RBM47: variants seen among roughly 807,000 people sequenced by gnomAD.
The protein encoded by RBM47 is RNA binding motif protein 47, also known as RNA-binding protein 47.
Under a neutral mutation model 47.1 loss-of-function variants are expected in RBM47, and 21 were observed. That is an observed-to-expected ratio of 0.45 (90% CI 0.32 to 0.64). The LOEUF is 0.64. Ranked by LOEUF, RBM47 falls within the 30% of genes least tolerant of loss-of-function variation. RBM47 has a pLI of 0.05. For missense variants in RBM47, 708 were observed against 870.9 expected, an observed-to-expected ratio of 0.81 and a Z score of 2.35; for synonymous variants, 375 against 361.7, an observed-to-expected ratio of 1.04 and a Z score of -0.42.
rs148031233 is a variant in RBM47, at chr4:40,518,157, T to C, written c.-155+26265A>G. Among the ~76,000 whole-genome samples, 396 of 117,442 alleles carry C rather than the reference T, an allele frequency of 3.4e-3. 2 individuals are homozygous for C. The highest frequency in any genetic ancestry group is 0.012 in the African/African-American group (384 of 31,338). The allele number at this position is 117,442 out of a possible 152,430, so 77.0% of individuals were successfully genotyped here. A position where few individuals can be genotyped will look rare whatever the true frequency, so the allele number is the denominator to read the frequency against. On this transcript the variant is annotated intron_variant, in intron 2 of 6. Transcript: ENST00000295971. ...AAAACAAGCATTGTTTCTTTTCTTT[T>C]CTTTTTTTTTTTTTTTTTTTTTTTT...
At chr4:40,571,221 A>T (rs1277911832) in intron 1 of RBM47, among the ~76,000 whole-genome samples, 2 of 151,722 alleles carry the variant, frequency 1.3e-5, no homozygotes, top group Non-Finnish European at 2.9e-5. Context: ...ATCTCAAAAG[A>T]AAAAGAAAAG....
Position 40,424,795 on chromosome 4 carries a change from A to G in RBM47, c.*1109T>C. 6.6e-6 allele frequency: 1 copy of G among 152,338 alleles called. No individual in the cohort carries two copies. Among genetic ancestry groups the G allele is most frequent in the Middle Eastern group, 3.4e-3 (1 of 294 alleles). The allele number at this position is 152,338 out of a possible 1,614,324, so 9.4% of individuals were successfully genotyped here. A position where few individuals can be genotyped will look rare whatever the true frequency, so the allele number is the denominator to read the frequency against. On this transcript the variant is annotated 3_prime_UTR_variant, in exon 7 of 7. Transcript: ENST00000295971. ...CTCTGGGGGTCTTGTCTACGATAACATACATTCTTTGTCCCTACAAACTCA... is the reference window on the plus strand; with the variant it reads ...CTCTGGGGGTCTTGTCTACGATAACGTACATTCTTTGTCCCTACAAACTCA...
At chr4:40,480,634 AT>A (rs1223401843) in intron 2 of RBM47, among the ~76,000 whole-genome samples, 1 of 152,194 alleles carries the variant, frequency 6.6e-6, no homozygotes, top group African/African-American at 2.4e-5. Context: ...TCTAATTTGA[AT>A]CTAAAGAGAA....
At chr4:40,592,756 G>A (rs999554501) in intron 1 of RBM47, among the ~76,000 whole-genome samples, 2 of 149,760 alleles carry the variant, frequency 1.3e-5, no homozygotes, top group African/African-American at 4.9e-5. Flanking sequence ...ACAGGGCCTC[G>A]CTATGTTATT....
chr4:40,608,841 G>A (rs1400840615), intron 1 of RBM47, among the ~76,000 whole-genome samples: 4 of 152,196 alleles, frequency 2.6e-5, no homozygotes, highest in Non-Finnish European at 4.4e-5. Flanking sequence ...CACAAACATG[G>A]AACCAATGAA....
chr4:40,437,092 T>A (rs796497859), intron 4 of RBM47, among the ~76,000 whole-genome samples: 4,604 of 19,326 alleles, frequency 0.24, 459 homozygotes, highest in Non-Finnish European at 0.32. Flanking sequence ...AAAAAAAAAA[T>A]ATATATATAT....
At position 40,423,652 on chromosome 4, in the gene RBM47, T is replaced by TTCTCTTTC. The variant is rs1324992772; in HGVS notation, c.*2251_*2252insGAAAGAGA. 6 of 129,168 alleles carry TTCTCTTTC rather than the reference T, an allele frequency of 4.6e-5. No homozygotes were observed. The highest frequency in any genetic ancestry group is 8.2e-5 in the Admixed American group (1 of 12,140). 8.0% of individuals were successfully genotyped at this position (129,168 alleles called of 1,614,324 possible). The stretch of plus-strand genomic sequence containing the variant: ...TCATTTTTTTTTATTCTTTCTTTCT[T>TTCTCTTTC]TTTCTTTCTTTCTTTCTTTCTTTCT... On this transcript the variant is annotated 3_prime_UTR_variant, in exon 7 of 7. Coordinates refer to ENST00000295971, the MANE Select transcript of RBM47 (RefSeq NM_001098634.2).
chr4:40,451,725 A>G (rs1715472491), intron 3 of RBM47, among the ~76,000 whole-genome samples: 1 of 152,234 alleles, frequency 6.6e-6, no homozygotes, highest in Admixed American at 6.5e-5. Flanking sequence ...TAAATGATTA[A>G]ACAATATTTG....
chr4:40,601,350 G>A (rs1482280513), intron 1 of RBM47, among the ~76,000 whole-genome samples: 2 of 152,108 alleles, frequency 1.3e-5, no homozygotes, highest in East Asian at 1.9e-4. Context: ...CATGACTATC[G>A]CTAATGTTGG....
intron 1 of RBM47, among the ~76,000 whole-genome samples, chr4:40,606,982 GA>G (rs35711853): frequency 6.6e-6 from 1 of 151,938 alleles, no homozygotes; most frequent in African/African-American, 2.4e-5. Context: ...GACCCTGTCA[GA>G]AAAAAAGCCC....
intron 2 of RBM47, among the ~76,000 whole-genome samples, chr4:40,507,044 G>C (rs1213020793): frequency 6.6e-6 from 1 of 152,054 alleles, no homozygotes; most frequent in African/African-American, 2.4e-5. Context: ...GCAACCTCCA[G>C]CTCCCGGGTT....
At chr4:40,481,895 C>T (rs1236458349) in intron 2 of RBM47, among the ~76,000 whole-genome samples, 2 of 152,006 alleles carry the variant, frequency 1.3e-5, no homozygotes, top group Admixed American at 6.6e-5. Flanking sequence ...ATGTTGGCCA[C>T]GCTGGTCTCG....
At chr4:40,603,576 C>A (rs1338685668) in intron 1 of RBM47, among the ~76,000 whole-genome samples, 1 of 151,704 alleles carries the variant, frequency 6.6e-6, no homozygotes, top group Non-Finnish European at 1.5e-5. Context: ...CCCCTCCCCT[C>A]CTCTCCTCTT....
intron 2 of RBM47, among the ~76,000 whole-genome samples, chr4:40,534,083 T>C (rs1727674997): frequency 6.6e-6 from 1 of 152,090 alleles, no homozygotes; most frequent in South Asian, 2.1e-4. Flanking sequence ...CCCAAAGTGC[T>C]GGGATTACAG....
At chr4:40,596,553 T>C (rs1367666876) in intron 1 of RBM47, among the ~76,000 whole-genome samples, 1 of 152,182 alleles carries the variant, frequency 6.6e-6, no homozygotes, top group Non-Finnish European at 1.5e-5. Flanking sequence ...AAATCCGCCA[T>C]GTTGAGCAAA....
intron 2 of RBM47, among the ~76,000 whole-genome samples, chr4:40,488,239 G>A (rs559928359): frequency 3.3e-5 from 5 of 151,546 alleles, no homozygotes; most frequent in East Asian, 3.9e-4. Flanking sequence ...ACTTGAACCC[G>A]GGAGGCAGAG....
At chr4:40,612,389 G>T (rs556867550) in intron 1 of RBM47, among the ~76,000 whole-genome samples, 22 of 152,320 alleles carry the variant, frequency 1.4e-4, no homozygotes, top group African/African-American at 5.3e-4. Flanking sequence ...GCACATGCTT[G>T]CAATCCCAGC....
intron 4 of RBM47, among the ~76,000 whole-genome samples, chr4:40,437,171 T>TATATAA (rs1553877846): frequency 5.4e-5 from 5 of 92,340 alleles, no homozygotes; most frequent in African/African-American, 1.6e-4. Flanking sequence ...TATATATATA[T>TATATAA]AATACATATA....
At chr4:40,584,053 C>T (rs926962345) in intron 1 of RBM47, among the ~76,000 whole-genome samples, 3 of 152,038 alleles carry the variant, frequency 2.0e-5, no homozygotes, top group African/African-American at 4.8e-5. Flanking sequence ...CTCACTGCAG[C>T]CTCCAGGCTC....
Sources: gnomAD v4.1 joint callset for allele counts (sites outside exome capture counted in the v4.1 genomes callset) on GRCh38, gnomAD v4.1.1 for gene constraint, MANE v1.5 for transcripts, NCBI Gene and HGNC (gene_info 2026-07-23, HGNC 2026-07-21) for gene names.